MCTP1: variants seen among roughly 807,000 people sequenced by gnomAD.
MCTP1 encodes the protein multiple C2 and transmembrane domain-containing protein 1.
MCTP1 carries 69 observed loss-of-function variants against 120.6 expected under a neutral mutation model. The observed-to-expected ratio is 0.57, with a 90% CI of 0.47 to 0.70. The LOEUF is 0.70. MCTP1 is among the 30% of genes least tolerant of loss of function. The probability of loss-of-function intolerance (pLI) is 0.00; values close to 1 mark genes in which losing one functional copy is unlikely to be tolerated. For missense variants in MCTP1, 1,203 were observed against 1,248.8 expected, an observed-to-expected ratio of 0.96 and a Z score of 0.55; for synonymous variants, 529 against 493.1, an observed-to-expected ratio of 1.07 and a Z score of -0.96.
chr5:94,725,988 G>A (rs935228053), intron 19 of MCTP1, among the ~76,000 whole-genome samples: 1 of 152,234 alleles, frequency 6.6e-6, no homozygotes, highest in South Asian at 2.1e-4. Context: ...AAAGACAACA[G>A]AATTTTCTCC....
intron 9 of MCTP1, among the ~76,000 whole-genome samples, chr5:94,912,429 A>T: frequency 4.9e-5 from 1 of 20,478 alleles, no homozygotes. Context: ...AGACTCCATC[A>T]AAAAAAAAAA....
rs180952373 is a variant in MCTP1 at position 95,280,185 on chromosome 5, A to T, written c.720+3671T>A. ...TCATGTATAGACTTAATTGTAGAAA[A>T]TTTTTTTTCCACTTTTTATCAGGGC... is the stretch of plus-strand genomic sequence containing the variant. On this transcript the variant is annotated intron_variant, in intron 1 of 22. Coordinates refer to ENST00000515393, the MANE Select transcript of MCTP1 (RefSeq NM_024717.7). 8.0e-4 allele frequency among the ~76,000 whole-genome samples: 121 copies of T among 152,082 alleles called. 1 individual carries two copies. Among genetic ancestry groups the T allele is most frequent in the Admixed American group, 2.4e-3 (37 of 15,262 alleles).
chr5:95,212,672 A>G (rs1449088419), intron 1 of MCTP1, among the ~76,000 whole-genome samples: 1 of 151,598 alleles, frequency 6.6e-6, no homozygotes, highest in Non-Finnish European at 1.5e-5. Flanking sequence ...ACCATGATCA[A>G]GTGGGCTTCA....
In MCTP1 at chr5:94,754,050, G is replaced by GT. The variant is rs569936142; in HGVS notation, c.2610+25059dup. Among the ~76,000 whole-genome samples the GT allele has an allele frequency of 5.5e-4, 84 of 152,348 alleles. 2 individuals carry two copies. The South Asian group carries it at 0.012, about 21-fold the overall frequency. On this transcript the variant is annotated intron_variant, in intron 19 of 22. Coordinates refer to ENST00000515393, the MANE Select transcript of MCTP1 (RefSeq NM_024717.7). The stretch of plus-strand genomic sequence containing the variant: ...AAATATATCTTATTTACCTGAGAGA[G>GT]TTAAAGTGTATTGGCTATGCTTTTT...
intron 1 of MCTP1, among the ~76,000 whole-genome samples, chr5:95,231,995 G>A (rs1045982154): frequency 2.0e-5 from 3 of 151,916 alleles, no homozygotes; most frequent in Admixed American, 2.0e-4. Flanking sequence ...GTCATGGAGA[G>A]CTGTTAGGTG....
intron 1 of MCTP1, among the ~76,000 whole-genome samples, chr5:95,276,423 A>C (rs1759840209): frequency 6.6e-6 from 1 of 151,112 alleles, no homozygotes; most frequent in Non-Finnish European, 1.5e-5. Context: ...ACACCCAGCT[A>C]ATTTTTGTAT....
At chr5:95,102,350 C>A (rs1290624456) in intron 1 of MCTP1, among the ~76,000 whole-genome samples, 3 of 152,174 alleles carry the variant, frequency 2.0e-5, no homozygotes, top group African/African-American at 7.2e-5. Context: ...GTGAGCCAGG[C>A]CAACAGCAGA....
chr5:95,284,197 C>G lies in MCTP1; in HGVS notation c.379G>C (p.Glu127Gln), dbSNP rs575323070. The G allele has an allele frequency of 9.0e-6, 14 of 1,548,852 alleles. No individual in the cohort carries two copies. The highest frequency in any genetic ancestry group is 1.8e-4 in the Middle Eastern group (1 of 5,524). Residue 127 changes from glutamate to glutamine, a missense_variant, in exon 1 of 23, where the codon GAG becomes CAG. By Grantham distance (29) the Glu-to-Gln change is conservative (BLOSUM62 2). Transcript: ENST00000515393. This position sits in a 1 kb window ranked among gnomAD's most constrained non-coding sequence, Gnocchi z 5.2. Reference protein sequence around the residue: ...QGSTLRRRIREHLLPAVKGPA... With the variant: ...QGSTLRRRIRQHLLPAVKGPA... ...CCCTTTACGGCGGGGAGCAAATGCT[C>G]GCGGATCCGGCGGCGTAGCGTGGAC...
chr5:95,032,190 G>A (rs568480198), intron 1 of MCTP1, among the ~76,000 whole-genome samples: 8 of 152,030 alleles, frequency 5.3e-5, no homozygotes, highest in Non-Finnish European at 1.2e-4. Context: ...CATTGAGGCA[G>A]ACAACTAACA....
chr5:94,856,440 T>C (rs1794739087), intron 17 of MCTP1, among the ~76,000 whole-genome samples: 2 of 151,722 alleles, frequency 1.3e-5, no homozygotes, highest in South Asian at 2.1e-4. Flanking sequence ...TTGTAAACAT[T>C]GACTGTTTCT....
chr5:95,274,039 G>A (rs1383400993), intron 1 of MCTP1, among the ~76,000 whole-genome samples: 1 of 151,998 alleles, frequency 6.6e-6, no homozygotes, highest in Admixed American at 6.6e-5. Flanking sequence ...CCCTCCTAAG[G>A]CTCAGGTTGA....
At chr5:94,865,069 C>G (rs27004) in intron 17 of MCTP1, among the ~76,000 whole-genome samples, 36,721 of 151,768 alleles carry the variant, frequency 0.24, 4,765 homozygotes, top group Middle Eastern at 0.34. Flanking sequence ...AAACCGAATG[C>G]ATTGCACACA....
At chr5:95,170,466 T>TG (rs546452643) in intron 1 of MCTP1, among the ~76,000 whole-genome samples, 1 of 151,950 alleles carries the variant, frequency 6.6e-6, no homozygotes, top group Non-Finnish European at 1.5e-5. Flanking sequence ...TGAATATCCT[T>TG]TTAACTTTCT....
chr5:94,810,169 T>C (rs1438076757), intron 17 of MCTP1, among the ~76,000 whole-genome samples: 1 of 152,116 alleles, frequency 6.6e-6, no homozygotes, highest in Admixed American at 6.6e-5. Flanking sequence ...AAATTGACAA[T>C]TTCTATATAT....
At chr5:95,143,468 C>T (rs1483448594) in intron 1 of MCTP1, among the ~76,000 whole-genome samples, 2 of 151,900 alleles carry the variant, frequency 1.3e-5, no homozygotes, top group Non-Finnish European at 2.9e-5. Context: ...GTTTTTTACC[C>T]GGGTATATTG....
chr5:95,232,232 T>A (rs1755044992), intron 1 of MCTP1, among the ~76,000 whole-genome samples: 1 of 140,440 alleles, frequency 7.1e-6, no homozygotes, highest in African/African-American at 2.6e-5. Flanking sequence ...AAATACTAAA[T>A]TAATTCAAAA....
chr5:94,917,061 G>A (rs550772964), intron 8 of MCTP1, among the ~76,000 whole-genome samples: 58 of 152,332 alleles, frequency 3.8e-4, no homozygotes, highest in Middle Eastern at 3.4e-3. Context: ...TTTAAAAAGA[G>A]AAGTAGGACC....
At chr5:95,063,651 A>T (rs990916652) in intron 1 of MCTP1, among the ~76,000 whole-genome samples, 2 of 152,186 alleles carry the variant, frequency 1.3e-5, no homozygotes, top group Non-Finnish European at 2.9e-5. Context: ...GCTGGAGGGC[A>T]GTGGTGCATT....
chr5:95,263,600 T>C (rs1355096500), intron 1 of MCTP1, among the ~76,000 whole-genome samples: 1 of 152,176 alleles, frequency 6.6e-6, no homozygotes, highest in East Asian at 1.9e-4. Context: ...AAATGGTCAT[T>C]CCTGAAGGCT....
Sources: gnomAD v4.1 joint callset for allele counts (sites outside exome capture counted in the v4.1 genomes callset) on GRCh38, gnomAD v4.1.1 for gene constraint, Gnocchi (gnomAD v3.1) non-coding constraint, MANE v1.5 for transcripts, NCBI Gene and HGNC (gene_info 2026-07-23, HGNC 2026-07-21) for gene names.